The following SLC22A23 variants were observed in gnomAD, a reference collection of about 807,000 sequenced individuals.
SLC22A23 encodes ion transporter protein.
SLC22A23 carries 26 observed loss-of-function variants against 61.0 expected under a neutral mutation model. The observed-to-expected ratio is 0.43, with a 90% confidence interval of 0.31 to 0.59. SLC22A23 has a LOEUF of 0.59. SLC22A23 is among the 20% of genes least tolerant of loss of function. The pLI is 0.11. For synonymous variants in SLC22A23, 430 were observed against 413.9 expected, an observed-to-expected ratio of 1.04 and a Z score of -0.47; for missense variants, 796 against 934.7, an observed-to-expected ratio of 0.85 and a Z score of 1.94.
chr6:3,387,125 C>T lies in SLC22A23; in HGVS notation c.913+23063G>A, dbSNP rs776716627. 3.9e-5 allele frequency among the ~76,000 whole-genome samples: 6 copies of T among 152,248 alleles called. No homozygotes were observed. The highest frequency in any genetic ancestry group is 7.3e-5 in the Non-Finnish European group (5 of 68,044). On this transcript the variant is annotated intron_variant, in intron 3 of 9. Transcript: ENST00000406686. The surrounding 1 kb of genome is among the most constrained non-coding windows in gnomAD (Gnocchi z 5.0). Reference sequence around the variant, plus strand: ...CACATGGATTATCTGCCCTTCATAGCTGTGAGTCCCTTTGCTGAAGAAATA... The same window carrying T: ...CACATGGATTATCTGCCCTTCATAGTTGTGAGTCCCTTTGCTGAAGAAATA...
chr6:3,321,452 T>C (rs1339098212), intron 4 of SLC22A23, among the ~76,000 whole-genome samples: 1 of 152,216 alleles, frequency 6.6e-6, no homozygotes, highest in Non-Finnish European at 1.5e-5. Context: ...CTGGATGTCT[T>C]TTCAAAAGCT....
At chr6:3,282,304 A>C in intron 9 of SLC22A23, 2 of 702,554 alleles carry the variant, frequency 2.8e-6, no homozygotes, top group Non-Finnish European at 5.2e-6. Context: ...CTCCTGACTC[A>C]TCTCTCCCCT....
At chr6:3,273,695 G>A (rs1168548627) in intron 9 of SLC22A23, among the ~76,000 whole-genome samples, 1 of 152,126 alleles carries the variant, frequency 6.6e-6, no homozygotes, top group Non-Finnish European at 1.5e-5. Context: ...CAGGGCTGGG[G>A]ACCATGAGAA....
intron 1 of SLC22A23, among the ~76,000 whole-genome samples, chr6:3,441,362 T>C (rs1018067013): frequency 2.0e-5 from 3 of 152,146 alleles, no homozygotes; most frequent in African/African-American, 7.2e-5. Flanking sequence ...AGACTCATTG[T>C]CTACTGGGGG....
At chr6:3,433,084 T>G (rs17309827) in intron 1 of SLC22A23, among the ~76,000 whole-genome samples, 46,208 of 152,130 alleles carry the variant, frequency 0.3, 8,164 homozygotes, top group East Asian at 0.48. Flanking sequence ...CCCAGGTCAT[T>G]CTTACAAAAA....
In SLC22A23 at chr6:3,275,884, T is replaced by C. The variant is rs868223496; in HGVS notation, c.1704-2472A>G. 5.9e-5 allele frequency among the ~76,000 whole-genome samples: 9 copies of C among 152,202 alleles called. No homozygotes were observed. In the South Asian group the frequency reaches 8.3e-4, roughly 14 times the overall value. ...GGCGTGAGCCACCACGCCACTCTTA[T>C]AACTCAAAAAGAAGACAGATAATCC... On this transcript the variant is annotated intron_variant, in intron 9 of 9. Transcript: ENST00000406686.
At chr6:3,352,781 T>C (rs556432606) in intron 3 of SLC22A23, among the ~76,000 whole-genome samples, 5 of 152,290 alleles carry the variant, frequency 3.3e-5, no homozygotes, top group African/African-American at 1.2e-4. Context: ...AATTCTTTAA[T>C]TAATCTGAGT....
intron 3 of SLC22A23, among the ~76,000 whole-genome samples, chr6:3,379,408 C>T (rs1306228213): frequency 6.6e-6 from 1 of 152,082 alleles, no homozygotes; most frequent in Non-Finnish European, 1.5e-5. Context: ...TCTCATTGTC[C>T]AGAATGAGAT....
At chr6:3,425,774 T>C (rs1458665566) in intron 1 of SLC22A23, among the ~76,000 whole-genome samples, 1 of 152,150 alleles carries the variant, frequency 6.6e-6, no homozygotes, top group Non-Finnish European at 1.5e-5. Context: ...ATTTCACAGA[T>C]GAAGAAACTG....
At chr6:3,291,644 C>T (rs973844588) in intron 5 of SLC22A23, 1 of 152,244 alleles carries the variant, frequency 6.6e-6, no homozygotes, top group Non-Finnish European at 1.5e-5. Flanking sequence ...ACTTTGACTA[C>T]AGGCACAGTT....
At chr6:3,420,253 A>C (rs1056156366) in intron 1 of SLC22A23, among the ~76,000 whole-genome samples, 5 of 152,092 alleles carry the variant, frequency 3.3e-5, no homozygotes, top group Non-Finnish European at 7.4e-5. Flanking sequence ...AAAAAACCAA[A>C]AACTGTGGAG....
In SLC22A23 at chr6:3,378,657, C is replaced by CTTT. The variant is rs574704294; in HGVS notation, c.913+31528_913+31530dup. 6.2e-3 allele frequency among the ~76,000 whole-genome samples: 738 copies of CTTT among 119,042 alleles called. 27 individuals are homozygous for CTTT. The highest frequency in any genetic ancestry group is 0.019 in the African/African-American group (607 of 32,142). The allele number at this position is 119,042 out of a possible 152,430, so 78.1% of individuals were successfully genotyped here. ...AGACTTTTTTTTTCTTTTCTTTTTT[C>CTTT]TTTTTTTTTTTTTTTTTGAGATGGA... On this transcript the variant is annotated intron_variant, in intron 3 of 9. Transcript: ENST00000406686.
chr6:3,309,210 A>G lies in SLC22A23; in HGVS notation c.1083-10992T>C, dbSNP rs567582381. 6.6e-6 allele frequency among the ~76,000 whole-genome samples: 1 copy of G among 152,028 alleles called. No individual in the cohort carries two copies. Among genetic ancestry groups the G allele is most frequent in the Non-Finnish European group, 1.5e-5 (1 of 67,992 alleles). On this transcript the variant is annotated intron_variant, in intron 4 of 9. Transcript: ENST00000406686. This position sits in a 1 kb window ranked among gnomAD's most constrained non-coding sequence, Gnocchi z 4.7. ...CAGCTATTCAGGAGGCTGAGACAGG[A>G]GAATCGCTTGAACCCGGGAGGTTTG...
At chr6:3,431,627 T>C (rs951061286) in intron 1 of SLC22A23, among the ~76,000 whole-genome samples, 1 of 152,220 alleles carries the variant, frequency 6.6e-6, no homozygotes, top group African/African-American at 2.4e-5. Context: ...ATTTTGGTTT[T>C]GGAAAGTAGG....
rs1406022599 is a variant in SLC22A23 at position 3,328,984 on chromosome 6, C to T, written c.914-4982G>A. Among the ~76,000 whole-genome samples the T allele has an allele frequency of 6.6e-6, 1 of 152,120 alleles. No homozygotes were observed. Among genetic ancestry groups the T allele is most frequent in the East Asian group, 1.9e-4 (1 of 5,184 alleles). Reference sequence around the variant, plus strand: ...TGGACCAGGTCCCAGCCTCACAGGGCACTGCCAAGCTCAAGGGACCGTCTG... The same window carrying T: ...TGGACCAGGTCCCAGCCTCACAGGGTACTGCCAAGCTCAAGGGACCGTCTG... On this transcript the variant is annotated intron_variant, in intron 3 of 9. Transcript: ENST00000406686. This position sits in a 1 kb window ranked among gnomAD's most constrained non-coding sequence, Gnocchi z 5.0.
rs1268715823 is a variant in SLC22A23, at chr6:3,309,472, TAAC to T, written c.1083-11257_1083-11255del. ...CCTAGCTGAGAAAGCCCCAGGCCAC[TAAC>T]GCTGGGCAGAGGCCTCAGAGCAGGG... On this transcript the variant is annotated intron_variant, in intron 4 of 9. Coordinates refer to ENST00000406686, the MANE Select transcript of SLC22A23 (RefSeq NM_015482.2). The surrounding 1 kb of genome is among the most constrained non-coding windows in gnomAD (Gnocchi z 4.7). Among the ~76,000 whole-genome samples the T allele has an allele frequency of 1.3e-5, 2 of 152,138 alleles. No homozygotes were observed. Among genetic ancestry groups the T allele is most frequent in the Non-Finnish European group, 2.9e-5 (2 of 68,026 alleles).
intron 6 of SLC22A23, among the ~76,000 whole-genome samples, chr6:3,289,307 C>T (rs763324570): frequency 7.2e-5 from 11 of 152,266 alleles, no homozygotes; most frequent in Non-Finnish European, 1.0e-4. Context: ...TGGCCTGGCT[C>T]AGGCCCACCT....
At chr6:3,445,652 G>C (rs566413335) in intron 1 of SLC22A23, among the ~76,000 whole-genome samples, 3 of 152,164 alleles carry the variant, frequency 2.0e-5, no homozygotes, top group Middle Eastern at 3.2e-3. Context: ...GCTGGTTGCC[G>C]TCCTTCAGAT....
At chr6:3,416,801 G>A (rs1272630233) in intron 1 of SLC22A23, among the ~76,000 whole-genome samples, 1 of 152,240 alleles carries the variant, frequency 6.6e-6, no homozygotes, top group Non-Finnish European at 1.5e-5. Flanking sequence ...CAGGTCAGTG[G>A]AGACGGGGGT....
Sources: allele counts gnomAD v4.1 joint callset (sites outside exome capture counted in the v4.1 genomes callset), GRCh38; gene constraint gnomAD v4.1.1; non-coding constraint Gnocchi (gnomAD v3.1); transcripts MANE v1.5; gene names NCBI Gene and HGNC (gene_info 2026-07-23, HGNC 2026-07-21).